IMPG1: variants seen among roughly 807,000 people sequenced by gnomAD.
The protein encoded by IMPG1 is interphotoreceptor matrix proteoglycan 1.
A neutral mutation model predicts 92.0 loss-of-function variants in IMPG1; 85 were observed. The ratio of observed to expected loss-of-function variants is 0.92; its 90% CI spans 0.78 to 1.11. The LOEUF is 1.11. Ranked by LOEUF, IMPG1 falls within the 50% of genes least tolerant of loss-of-function variation. IMPG1 has a pLI of 0.00. For missense variants in IMPG1, 1,022 were observed against 956.0 expected (o/e 1.07, Z -0.91); for synonymous variants, 367 against 334.1 (o/e 1.10, Z -1.08).
rs572758874 is a variant in IMPG1, at chr6:75,930,892, G to C, written c.2243+61C>G. The C allele has an allele frequency of 3.6e-6, 5 of 1,397,304 alleles. No individual in the cohort carries two copies. The African/African-American group carries it at 7.1e-5, about 20-fold the overall frequency. 86.6% of individuals were successfully genotyped at this position (1,397,304 alleles called of 1,614,324 possible). A position where few individuals can be genotyped will look rare whatever the true frequency, so the allele number is the denominator to read the frequency against. Reference sequence around the variant, plus strand: ...ACCATATGAATTTACTCTAATGATGGGTTTCTCAGAAGTGTAAGTAATGAG... The same window carrying C: ...ACCATATGAATTTACTCTAATGATGCGTTTCTCAGAAGTGTAAGTAATGAG... On this transcript the variant is annotated intron_variant, in intron 15 of 16. Coordinates refer to ENST00000369950, the MANE Select transcript of IMPG1 (RefSeq NM_001563.4).
rs1562345556 is a variant in IMPG1, at chr6:75,950,946, G to T, written c.1440C>A (p.Thr480=). The change falls in exon 13 of 17, where the codon ACC becomes ACA. Residue 480 remains threonine, a synonymous_variant. Coordinates refer to ENST00000369950, the MANE Select transcript of IMPG1 (RefSeq NM_001563.4). ...TTGCAGAATAATCACTGGTGGGGAT[G>T]GTGAGCCCTGGTACTAGCATTGTCT... is the stretch of plus-strand genomic sequence containing the variant. ...TDQTMLVPGL[T]IPTSDYSAIS... 6.2e-7 allele frequency: 1 copy of T among 1,613,976 alleles called. No individual in the cohort carries two copies.
rs143380722 is a variant in IMPG1, at chr6:76,042,016, T to A, written c.178A>T (p.Ile60Leu). Residue 60 changes from isoleucine (I) to leucine (L), a missense_variant, in exon 2 of 17, where the codon ATA (isoleucine) becomes TTA (leucine). Coordinates refer to ENST00000369950, the MANE Select transcript of IMPG1 (RefSeq NM_001563.4). ...GTTCGATGCTTTGCCAAATCGAATATTCGTCTCATAGTTGACATTTTGTAC... is the reference window on the plus strand; with the variant it reads ...GTTCGATGCTTTGCCAAATCGAATAATCGTCTCATAGTTGACATTTTGTAC... ...KMYKMSTMRR[I>L]FDLAKHRTKR... 28 of 1,612,862 alleles carry A rather than the reference T, an allele frequency of 1.7e-5. No homozygotes were observed. The African/African-American group carries it at 3.2e-4, about 18-fold the overall frequency.
At chr6:76,000,285 AAC>A (rs1782965788) in intron 12 of IMPG1, among the ~76,000 whole-genome samples, 1 of 152,244 alleles carries the variant, frequency 6.6e-6, no homozygotes, top group Non-Finnish European at 1.5e-5. Flanking sequence ...TGAAACTTAT[AAC>A]ACATAAAATT....
chr6:76,016,688 CTGAG>C (rs1783295073), intron 7 of IMPG1, among the ~76,000 whole-genome samples: 1 of 152,192 alleles, frequency 6.6e-6, no homozygotes, highest in Admixed American at 6.5e-5. Flanking sequence ...CCTGGCCATG[CTGAG>C]TAAGATTCGT....
rs1336685771 is a variant in IMPG1 at position 75,921,595 on chromosome 6, C to T, written c.*494G>A. On this transcript the variant is annotated 3_prime_UTR_variant, in exon 17 of 17. Coordinates refer to ENST00000369950, the MANE Select transcript of IMPG1 (RefSeq NM_001563.4). ...TGTGTTTATCAGACGTAGTGTGGAG[C>T]ATATATACACTCACTACAGTGCCTA... The T allele has an allele frequency of 6.5e-6, 1 of 153,074 alleles. No homozygotes were observed. The highest frequency in any genetic ancestry group is 1.5e-5 in the Non-Finnish European group (1 of 68,422). The allele number at this position is 153,074 out of a possible 1,614,324, so 9.5% of individuals were successfully genotyped here. A position where few individuals can be genotyped will look rare whatever the true frequency, so the allele number is the denominator to read the frequency against.
At chr6:76,013,458 C>CA (rs1446467765) in intron 7 of IMPG1, among the ~76,000 whole-genome samples, 2 of 152,132 alleles carry the variant, frequency 1.3e-5, no homozygotes, top group African/African-American at 4.8e-5. Context: ...CTCCTCCCCA[C>CA]ACTGCACCCA....
In IMPG1 at chr6:76,061,722, A is replaced by T. The variant is rs185123036; in HGVS notation, c.67+10700T>A. Among the ~76,000 whole-genome samples, 251 of 152,300 alleles carry T rather than the reference A, an allele frequency of 1.6e-3. 3 individuals are homozygous for T. Among genetic ancestry groups the T allele is most frequent in the African/African-American group, 5.6e-3 (233 of 41,588 alleles). On this transcript the variant is annotated intron_variant, in intron 1 of 16. Coordinates refer to ENST00000369950, the MANE Select transcript of IMPG1 (RefSeq NM_001563.4). Reference sequence around the variant, plus strand: ...AAATTTTCTTTTTTCTCTTTCTCTTATACATTGAATGTCACAAGCAATTAA... The same window carrying T: ...AAATTTTCTTTTTTCTCTTTCTCTTTTACATTGAATGTCACAAGCAATTAA...
chr6:76,008,663 C>A (rs1464338932), intron 8 of IMPG1, among the ~76,000 whole-genome samples: 1 of 152,168 alleles, frequency 6.6e-6, no homozygotes, highest in Non-Finnish European at 1.5e-5. Context: ...TGTAAAGAGG[C>A]CAGGCTTCCT....
At chr6:76,045,022 C>G (rs761064169) in intron 1 of IMPG1, among the ~76,000 whole-genome samples, 2 of 152,186 alleles carry the variant, frequency 1.3e-5, no homozygotes, top group Admixed American at 6.5e-5. Flanking sequence ...TTTCCCTATT[C>G]TCCACATGTC....
chr6:76,012,524 C>T (rs1299142217), intron 7 of IMPG1, among the ~76,000 whole-genome samples: 4 of 152,330 alleles, frequency 2.6e-5, no homozygotes, highest in South Asian at 2.1e-4. Context: ...CTGGGGACAC[C>T]GTCACATGGA....
rs1781420223 is a variant in IMPG1, at chr6:75,921,173, G to C, written c.*916C>G. ...TTTGTAGCAAATATATCTGATATTA[G>C]AACATTTGAAAGAGATAGAGACAGA... On this transcript the variant is annotated 3_prime_UTR_variant, in exon 17 of 17. Transcript: ENST00000369950. The C allele has an allele frequency of 6.6e-6, 1 of 151,792 alleles. No individual in the cohort carries two copies. The highest frequency in any genetic ancestry group is 1.5e-5 in the Non-Finnish European group (1 of 68,018). The allele number at this position is 151,792 out of a possible 1,614,324, so 9.4% of individuals were successfully genotyped here. A position where few individuals can be genotyped will look rare whatever the true frequency, so the allele number is the denominator to read the frequency against.
At chr6:75,978,609 G>A (rs1255546502) in intron 12 of IMPG1, among the ~76,000 whole-genome samples, 4 of 152,106 alleles carry the variant, frequency 2.6e-5, no homozygotes, top group Non-Finnish European at 5.9e-5. Flanking sequence ...AGAGCCAAAA[G>A]CTGTTGTTTT....
intron 12 of IMPG1, among the ~76,000 whole-genome samples, chr6:75,953,425 C>G (rs559062277): frequency 7.0e-4 from 106 of 151,834 alleles, no homozygotes; most frequent in Middle Eastern, 3.4e-3. Flanking sequence ...CTATCCCTCC[C>G]CTACTGTGCG....
Position 76,024,197 on chromosome 6 carries a change from C to T in IMPG1, c.562+997G>A, listed in dbSNP as rs137945814. On this transcript the variant is annotated intron_variant, in intron 5 of 16. Coordinates refer to ENST00000369950, the MANE Select transcript of IMPG1 (RefSeq NM_001563.4). ...GGAGAAAATTGAAATATAGGCACAG[C>T]CGGCTTTCTCTGAATGTCAGTAAAG... Among the ~76,000 whole-genome samples, 185 of 152,166 alleles carry T rather than the reference C, an allele frequency of 1.2e-3. 2 individuals are homozygous for T. Among genetic ancestry groups the T allele is most frequent in the African/African-American group, 3.7e-3 (154 of 41,520 alleles).
At position 76,034,896 on chromosome 6, in the gene IMPG1, A is replaced by T. The variant is rs531744988; in HGVS notation, c.302-109T>A. On this transcript the variant is annotated intron_variant, in intron 2 of 16. Coordinates refer to ENST00000369950, the MANE Select transcript of IMPG1 (RefSeq NM_001563.4). ...ATTTCATGGCTTATGTCGACACACT[A>T]ATTTACAGTCTCTAAAAGTTAATTC... The T allele has an allele frequency of 1.9e-5, 17 of 875,256 alleles. No individual in the cohort carries two copies. In the South Asian group the frequency reaches 3.0e-4, roughly 15 times the overall value. The allele number at this position is 875,256 out of a possible 1,614,324, so 54.2% of individuals were successfully genotyped here.
In IMPG1 at chr6:75,951,002, G is replaced by T; in HGVS notation, c.1384C>A (p.Gln462Lys). 6.2e-7 allele frequency: 1 copy of T among 1,613,872 alleles called. No individual in the cohort carries two copies. Among genetic ancestry groups the T allele is most frequent in the South Asian group, 1.1e-5 (1 of 91,068 alleles). The change falls in exon 13 of 17, where the codon CAA (glutamine) becomes AAA (lysine). Residue 462 changes from glutamine to lysine, a missense_variant. Coordinates refer to ENST00000369950, the MANE Select transcript of IMPG1 (RefSeq NM_001563.4). ...GTGGCCATTGTATCTGTGGTGCCTT[G>T]ATCAGTCAGAGAGAAGATGCTTGAT... The part of the protein sequence containing the change: ...MASSIFSLTD[Q>K]GTTDTMATDQ...
intron 14 of IMPG1, among the ~76,000 whole-genome samples, chr6:75,938,134 G>A (rs565233988): frequency 3.9e-5 from 6 of 152,232 alleles, no homozygotes; most frequent in African/African-American, 1.4e-4. Context: ...TTTCAAAAGG[G>A]GAATGGCACA....
chr6:76,042,454 C>T (rs1246726629), intron 1 of IMPG1, among the ~76,000 whole-genome samples: 1 of 152,046 alleles, frequency 6.6e-6, no homozygotes, highest in Non-Finnish European at 1.5e-5. Flanking sequence ...CAAGAGATGT[C>T]TCTTATGATA....
chr6:76,022,136 CGTT>C lies in IMPG1; in HGVS notation c.643_645del (p.Asn215del), dbSNP rs948971064. ...CTTACTGTTGTAGGCATCTTGGTGT[CGTT>C]GAGTGTATTATCGAGAATTTCATTG... is the stretch of plus-strand genomic sequence containing the variant. On this transcript the variant is annotated inframe_deletion, in exon 6 of 17. Transcript: ENST00000369950. 11 of 1,586,292 alleles carry C rather than the reference CGTT, an allele frequency of 6.9e-6. No individual in the cohort carries two copies. In the African/African-American group the frequency reaches 1.2e-4, roughly 18 times the overall value.
Sources: allele counts gnomAD v4.1 joint callset (sites outside exome capture counted in the v4.1 genomes callset), GRCh38; gene constraint gnomAD v4.1.1; transcripts MANE v1.5; gene names NCBI Gene and HGNC (gene_info 2026-07-23, HGNC 2026-07-21).